Variants in TIMELESS observed in about 807,000 individuals in gnomAD.
The protein encoded by TIMELESS is protein timeless homolog.
In TIMELESS, 124 loss-of-function variants were observed where a neutral mutation model predicts 164.3. The ratio of observed to expected loss-of-function variants is 0.75; its 90% CI spans 0.65 to 0.88. TIMELESS has a LOEUF of 0.88. Among genes scored for constraint, TIMELESS ranks in the 40% least tolerant of loss-of-function variants. The probability of loss-of-function intolerance (pLI) is 0.00; values close to 1 mark genes in which losing one functional copy is unlikely to be tolerated. For missense variants in TIMELESS, 1,422 were observed against 1,491.4 expected (o/e 0.95, Z 0.77); for synonymous variants, 564 against 563.4 (o/e 1.00, Z -0.02).
At chr12:56,434,035 A>C in intron 2 of TIMELESS, 39 bp downstream of exon 2, 2 of 1,612,912 alleles carry the variant, frequency 1.2e-6, no homozygotes, top group Non-Finnish European at 8.5e-7. Flanking sequence ...TCCTTAATTC[A>C]AGCCAATTTT....
At chr12:56,429,754 T>A (rs1271070885) in intron 10 of TIMELESS, among the ~76,000 whole-genome samples, 1 of 150,094 alleles carries the variant, frequency 6.7e-6, no homozygotes. Context: ...TGACCTCAAG[T>A]GATCCACTGC....
At position 56,421,469 on chromosome 12, in the gene TIMELESS, T is replaced by C. The variant is rs1349977000; in HGVS notation, c.2750A>G (p.Asn917Ser). 1 of 1,613,922 alleles carries C rather than the reference T, an allele frequency of 6.2e-7. No homozygotes were observed. The highest frequency in any genetic ancestry group is 2.2e-5 in the East Asian group (1 of 44,884). Reference protein sequence around the residue: ...SDDVLGHIMKNITAKRSRARI... With the variant: ...SDDVLGHIMKSITAKRSRARI... ...GGCCCGTGAGCGTTTGGCTGTGATATTCTTCATGATATGACCCAGGACATC... is the reference window on the plus strand; with the variant it reads ...GGCCCGTGAGCGTTTGGCTGTGATACTCTTCATGATATGACCCAGGACATC... Residue 917 changes from asparagine (N) to serine (S), a missense_variant, in exon 23 of 29, where the codon AAT becomes AGT. Coordinates refer to ENST00000553532, the MANE Select transcript of TIMELESS (RefSeq NM_003920.5).
At position 56,443,967 on chromosome 12, in the gene TIMELESS, C is replaced by T. The variant is rs113809853; in HGVS notation, c.-62+5343G>A. ...AGGCTGGAGTGCAGTGGCGTGATTT[C>T]GGCTCACTGCATCTCCGCCTCCTGG... On this transcript the variant is annotated intron_variant, in intron 1 of 28. Transcript: ENST00000553532. Among the ~76,000 whole-genome samples the T allele has an allele frequency of 3.6e-3, 527 of 145,538 alleles. 3 individuals are homozygous for T. The highest frequency in any genetic ancestry group is 0.01 in the African/African-American group (389 of 38,876).
chr12:56,424,971 T>G, intron 14 of TIMELESS, 44 bp downstream of exon 14: 1 of 1,614,046 alleles, frequency 6.2e-7, no homozygotes. Flanking sequence ...TTGTATACCC[T>G]GAGCACTATT....
In TIMELESS at chr12:56,418,372, A is replaced by C; in HGVS notation, c.3229-13T>G. Reference sequence around the variant, plus strand: ...GCCAGAAGGTTTCCTACAGGGGCCAAAAAGTTGAAAAGGGAAAGGACCAGC... The same window carrying C: ...GCCAGAAGGTTTCCTACAGGGGCCACAAAGTTGAAAAGGGAAAGGACCAGC... On this transcript the variant is annotated splice_polypyrimidine_tract_variant and intron_variant, in intron 26 of 28. Transcript: ENST00000553532. 1 of 1,582,936 alleles carries C rather than the reference A, an allele frequency of 6.3e-7. No homozygotes were observed. Among genetic ancestry groups the C allele is most frequent in the Non-Finnish European group, 8.6e-7 (1 of 1,164,072 alleles).
intron 1 of TIMELESS, 129 bp from the exon 2 acceptor site, chr12:56,434,360 A>G (rs1024608652): frequency 1.0e-5 from 6 of 588,462 alleles, no homozygotes; most frequent in African/African-American, 3.7e-5. Flanking sequence ...GTCACAACCA[A>G]AAGTTCTGCT....
intron 22 of TIMELESS, 60 bp from the exon 23 acceptor site, chr12:56,421,553 A>G: frequency 1.3e-6 from 2 of 1,573,642 alleles, no homozygotes; most frequent in Non-Finnish European, 1.7e-6. Flanking sequence ...AGTAAAATAA[A>G]TCAGAGGTCT....
At chr12:56,436,730 T>G (rs1882082649) in intron 1 of TIMELESS, among the ~76,000 whole-genome samples, 1 of 152,190 alleles carries the variant, frequency 6.6e-6, no homozygotes, top group Non-Finnish European at 1.5e-5. Flanking sequence ...ATCCTTATTT[T>G]TCTCATTTCA....
At chr12:56,446,649 G>A (rs981763309) in intron 1 of TIMELESS, among the ~76,000 whole-genome samples, 3 of 151,934 alleles carry the variant, frequency 2.0e-5, no homozygotes, top group African/African-American at 7.3e-5. Context: ...TGGCCAACAT[G>A]GTGAAACCCT....
intron 13 of TIMELESS, among the ~76,000 whole-genome samples, chr12:56,425,525 A>C (rs1210061113): frequency 2.0e-5 from 3 of 152,200 alleles, no homozygotes; most frequent in African/African-American, 7.2e-5. Flanking sequence ...AGACACATGG[A>C]AAAGCTTCAT....
At chr12:56,440,970 A>G (rs1482135724) in intron 1 of TIMELESS, among the ~76,000 whole-genome samples, 1 of 145,124 alleles carries the variant, frequency 6.9e-6, no homozygotes, top group Non-Finnish European at 1.5e-5. Flanking sequence ...GGCCTGTGCC[A>G]CCATGCCAGG....
chr12:56,419,459 A>AGTGTGTGTGT (rs10664617), intron 26 of TIMELESS, among the ~76,000 whole-genome samples: 4,042 of 147,982 alleles, frequency 0.027, 65 homozygotes, highest in African/African-American at 0.036. Flanking sequence ...AGACAGATGG[A>AGTGTGTGTGT]GTGTGTGTGT....
chr12:56,424,629 C>A, intron 15 of TIMELESS, 133 bp downstream of exon 15: 1 of 1,061,918 alleles, frequency 9.4e-7, no homozygotes. Flanking sequence ...TCAAAACGCC[C>A]CAGGAGTCAG....
intron 22 of TIMELESS, 32 bp from the exon 23 acceptor site, chr12:56,421,525 G>GT (rs1231149537): frequency 6.3e-7 from 1 of 1,596,966 alleles, no homozygotes; most frequent in East Asian, 2.2e-5. Flanking sequence ...ATACCCAAGG[G>GT]TAACAGGGAA....
rs1203509473 is a variant in TIMELESS at position 56,433,869 on chromosome 12, C to T, written c.155G>A (p.Arg52Gln). The change falls in exon 3 of 29, where the codon CGG (arginine) becomes CAG (glutamine). Residue 52 changes from arginine (R) to glutamine (Q), a missense_variant. Coordinates refer to ENST00000553532, the MANE Select transcript of TIMELESS (RefSeq NM_003920.5). ...GATCTGGGCTGCCCCCAGCTGCTGC[C>T]GCACATCTCGTGTCTCATCCTCATG... ...LRHEDETRDV[R>Q]QQLGAAQILQ... 5 of 1,614,024 alleles carry T rather than the reference C, an allele frequency of 3.1e-6. No homozygotes were observed. Among genetic ancestry groups the T allele is most frequent in the South Asian group, 2.2e-5 (2 of 91,076 alleles).
chr12:56,431,432 C>T, intron 8 of TIMELESS, 39 bp downstream of exon 8: 1 of 1,584,998 alleles, frequency 6.3e-7, no homozygotes, highest in East Asian at 2.3e-5. Context: ...CTCAGCATTC[C>T]ATGATGTAGG....
Position 56,421,239 on chromosome 12 carries a change from G to A in TIMELESS, c.2869-105C>T, listed in dbSNP as rs72479001. Reference sequence around the variant, plus strand: ...CGCACCCCCCCGCGCCTGCTCTCTCGGAAGGACCTGGTCAGAACAGCCTCA... The same window carrying A: ...CGCACCCCCCCGCGCCTGCTCTCTCAGAAGGACCTGGTCAGAACAGCCTCA... On this transcript the variant is annotated intron_variant, in intron 23 of 28. Coordinates refer to ENST00000553532, the MANE Select transcript of TIMELESS (RefSeq NM_003920.5). 9,623 of 1,583,006 alleles carry A rather than the reference G, an allele frequency of 6.1e-3. 45 individuals carry two copies. Among genetic ancestry groups the A allele is most frequent in the Non-Finnish European group, 7.3e-3 (8,528 of 1,165,090 alleles).
At chr12:56,419,725 A>G (rs540446142) in intron 26 of TIMELESS, among the ~76,000 whole-genome samples, 1 of 152,112 alleles carries the variant, frequency 6.6e-6, no homozygotes, top group African/African-American at 2.4e-5. Flanking sequence ...CTCCATATCC[A>G]CAAGTTCTGA....
intron 1 of TIMELESS, among the ~76,000 whole-genome samples, chr12:56,444,135 A>T (rs1235704470): frequency 1.3e-5 from 2 of 152,078 alleles, no homozygotes; most frequent in Admixed American, 1.3e-4. Flanking sequence ...TGACCTCGTG[A>T]TCCACCTGCC....
Sources: gnomAD v4.1 joint callset for allele counts (sites outside exome capture counted in the v4.1 genomes callset) on GRCh38, gnomAD v4.1.1 for gene constraint, MANE v1.5 for transcripts, NCBI Gene and HGNC (gene_info 2026-07-23, HGNC 2026-07-21) for gene names.